PXDC1: variants seen among roughly 807,000 people sequenced by gnomAD.
PXDC1 encodes the protein PX domain containing 1.
PXDC1 carries 13 observed loss-of-function variants against 24.4 expected under a neutral mutation model. That is an observed-to-expected ratio of 0.53 (90% CI 0.35 to 0.85). PXDC1 has a LOEUF of 0.85. PXDC1 is among the 40% of genes least tolerant of loss of function. PXDC1 has a pLI of 0.01. For missense variants in PXDC1, 344 were observed against 309.3 expected, an observed-to-expected ratio of 1.11 and a Z score of -0.84; for synonymous variants, 162 against 124.9, an observed-to-expected ratio of 1.30 and a Z score of -1.98.
rs1235848714 is a variant in PXDC1 at position 3,723,250 on chromosome 6, G to GC, written c.*368dup. The GC allele has an allele frequency of 1.4e-5, 3 of 212,386 alleles. No homozygotes were observed. The highest frequency in any genetic ancestry group is 5.6e-5 in the Admixed American group (1 of 17,966). The allele number at this position is 212,386 out of a possible 1,614,324, so 13.2% of individuals were successfully genotyped here. A position where few individuals can be genotyped will look rare whatever the true frequency, so the allele number is the denominator to read the frequency against. Reference sequence around the variant, plus strand: ...AGTCAGGGTGGCTGGGGGGCACTAGGCCACTTCACCAAGAGGGATGCACCT... The same window carrying GC: ...AGTCAGGGTGGCTGGGGGGCACTAGGCCCACTTCACCAAGAGGGATGCACCT... On this transcript the variant is annotated 3_prime_UTR_variant, in exon 5 of 5. Transcript: ENST00000380283.
intron 3 of PXDC1, among the ~76,000 whole-genome samples, 197 bp from the exon 4 acceptor site, chr6:3,727,859 G>C (rs140567774): frequency 3.9e-5 from 6 of 152,094 alleles, no homozygotes; most frequent in African/African-American, 1.4e-4. Flanking sequence ...GTCAATCCCC[G>C]CAGGAGCCAG....
intron 1 of PXDC1, chr6:3,739,278 T>C (rs1760402018): frequency 2.8e-6 from 1 of 353,584 alleles, no homozygotes; most frequent in South Asian, 7.8e-5. Flanking sequence ...CAAAGGCACT[T>C]CTGCAAGAGT....
intron 1 of PXDC1, among the ~76,000 whole-genome samples, chr6:3,738,515 A>T (rs766037292): frequency 2.0e-5 from 3 of 152,226 alleles, no homozygotes; most frequent in Non-Finnish European, 2.9e-5. Flanking sequence ...GGCTACAGTC[A>T]GGGGTGCTGG....
intron 1 of PXDC1, among the ~76,000 whole-genome samples, chr6:3,749,960 A>C (rs1238158708): frequency 1.3e-5 from 2 of 152,258 alleles, no homozygotes; most frequent in Non-Finnish European, 2.9e-5. Context: ...ATCATAACAA[A>C]CAGCAAATCC....
rs189668732 is a variant in PXDC1, at chr6:3,730,375, G to C, written c.467-2713C>G. ...AAAGCAAATTGTCTTAAAACCTAGGGAAGTGTGCACAGCTTTTATACGCCT... is the reference window on the plus strand; with the variant it reads ...AAAGCAAATTGTCTTAAAACCTAGGCAAGTGTGCACAGCTTTTATACGCCT... On this transcript the variant is annotated intron_variant, in intron 3 of 4. Transcript: ENST00000380283. Among the ~76,000 whole-genome samples the C allele has an allele frequency of 2.8e-4, 42 of 152,322 alleles. 1 individual carries two copies. The highest frequency in any genetic ancestry group is 3.4e-3 in the Middle Eastern group (1 of 294).
At chr6:3,745,272 G>A (rs1760540535) in intron 1 of PXDC1, among the ~76,000 whole-genome samples, 1 of 152,240 alleles carries the variant, frequency 6.6e-6, no homozygotes, top group Admixed American at 6.5e-5. Flanking sequence ...GCTCTCAGGA[G>A]CCAGCCTCCA....
rs953168829 is a variant in PXDC1 at position 3,738,841 on chromosome 6, G to A, written c.257-693C>T. On this transcript the variant is annotated intron_variant, in intron 1 of 4. Transcript: ENST00000380283. ...CTCGGGTGCTTTTCTATCTCCCCAT[G>A]AGAAGCGCAGAGCAGAAGTCTTCCC... 4 of 1,303,228 alleles carry A rather than the reference G, an allele frequency of 3.1e-6. No individual in the cohort carries two copies. In the African/African-American group the frequency reaches 4.6e-5, roughly 15 times the overall value. 80.7% of individuals were successfully genotyped at this position (1,303,228 alleles called of 1,614,324 possible).
chr6:3,739,007 A>G (rs1581247906), intron 1 of PXDC1: 2 of 1,254,914 alleles, frequency 1.6e-6, no homozygotes, highest in African/African-American at 1.6e-5. Context: ...CTTAAGTGCC[A>G]GAACTATTAA....
intron 1 of PXDC1, among the ~76,000 whole-genome samples, chr6:3,740,183 A>G (rs1191615220): frequency 1.3e-5 from 2 of 152,236 alleles, no homozygotes; most frequent in Non-Finnish European, 2.9e-5. Flanking sequence ...TACAGGTATT[A>G]TAGAGGTTTA....
intron 1 of PXDC1, among the ~76,000 whole-genome samples, chr6:3,750,875 G>T (rs1242058069): frequency 6.6e-6 from 1 of 152,138 alleles, no homozygotes; most frequent in Non-Finnish European, 1.5e-5. Flanking sequence ...GCTCCCAGAC[G>T]CTTTCCCAGT....
chr6:3,726,139 T>C (rs1307078437), intron 4 of PXDC1, among the ~76,000 whole-genome samples: 1 of 152,180 alleles, frequency 6.6e-6, no homozygotes, highest in Non-Finnish European at 1.5e-5. Context: ...AGGGGTCCCC[T>C]TGCAAACACT....
In PXDC1 at chr6:3,728,323, C is replaced by T. The variant is rs1002117083; in HGVS notation, c.467-661G>A. Among the ~76,000 whole-genome samples, 1 of 152,166 alleles carries T rather than the reference C, an allele frequency of 6.6e-6. No individual in the cohort carries two copies. The highest frequency in any genetic ancestry group is 1.9e-4 in the East Asian group (1 of 5,196). ...GTCCATGATATCATTCTTATGCCTT[C>T]GCATCCTCATAGCTTAGCTCCCACT... is the stretch of plus-strand genomic sequence containing the variant. On this transcript the variant is annotated intron_variant, in intron 3 of 4. Transcript: ENST00000380283. The surrounding 1 kb of genome is among the most constrained non-coding windows in gnomAD (Gnocchi z 4.0).
At position 3,737,930 on chromosome 6, in the gene PXDC1, G is replaced by A. The variant is rs1760358588; in HGVS notation, c.348+127C>T. 3 of 816,996 alleles carry A rather than the reference G, an allele frequency of 3.7e-6. No individual in the cohort carries two copies. The highest frequency in any genetic ancestry group is 3.2e-5 in the South Asian group (2 of 62,182). 50.6% of individuals were successfully genotyped at this position (816,996 alleles called of 1,614,324 possible). Reference sequence around the variant, plus strand: ...CCCTATCGCCTGGTACTACCAGGGAGGGAACAAAACGGCTAAGTGAGACAG... The same window carrying A: ...CCCTATCGCCTGGTACTACCAGGGAAGGAACAAAACGGCTAAGTGAGACAG... On this transcript the variant is annotated intron_variant, in intron 2 of 4. Coordinates refer to ENST00000380283, the MANE Select transcript of PXDC1 (RefSeq NM_183373.4). This position sits in a 1 kb window ranked among gnomAD's most constrained non-coding sequence, Gnocchi z 5.5.
In PXDC1 at chr6:3,723,288, T is replaced by C. The variant is rs1759981400; in HGVS notation, c.*331A>G. 2 of 280,532 alleles carry C rather than the reference T, an allele frequency of 7.1e-6. No individual in the cohort carries two copies. The highest frequency in any genetic ancestry group is 1.3e-5 in the Non-Finnish European group (2 of 148,498). The allele number at this position is 280,532 out of a possible 1,614,324, so 17.4% of individuals were successfully genotyped here. On this transcript the variant is annotated 3_prime_UTR_variant, in exon 5 of 5. Coordinates refer to ENST00000380283, the MANE Select transcript of PXDC1 (RefSeq NM_183373.4). ...GAGGGATGCACCTCCCAGGAAGCAG[T>C]AGCAGTGAGAGCGAGCCCCACAGGA...
chr6:3,729,949 T>G (rs114844366), intron 3 of PXDC1, among the ~76,000 whole-genome samples: 1 of 152,236 alleles, frequency 6.6e-6, no homozygotes, highest in African/African-American at 2.4e-5. Context: ...ATGTGAAATT[T>G]GGAGCTCTAT....
intron 1 of PXDC1, among the ~76,000 whole-genome samples, chr6:3,749,771 C>T (rs1407355154): frequency 1.3e-5 from 2 of 152,070 alleles, no homozygotes; most frequent in Non-Finnish European, 2.9e-5. Flanking sequence ...AGGTGGGGAG[C>T]CCCACGGGGA....
At chr6:3,731,512 C>G (rs1760195586) in intron 3 of PXDC1, among the ~76,000 whole-genome samples, 1 of 152,176 alleles carries the variant, frequency 6.6e-6, no homozygotes, top group South Asian at 2.1e-4. Flanking sequence ...TATTTTTTTA[C>G]ACTCATATTT....
At chr6:3,751,108 C>T (rs1414070865) in intron 1 of PXDC1, 168 bp downstream of exon 1, 4 of 562,086 alleles carry the variant, frequency 7.1e-6, no homozygotes, top group African/African-American at 6.0e-5. Flanking sequence ...TCCCCCTAAC[C>T]CCGCCGCCCG....
intron 1 of PXDC1, among the ~76,000 whole-genome samples, chr6:3,748,503 C>T (rs780724142): frequency 6.6e-6 from 1 of 152,166 alleles, no homozygotes; most frequent in Non-Finnish European, 1.5e-5. Flanking sequence ...CATATCCCTG[C>T]AGATGTGTCA....
Sources: allele counts gnomAD v4.1 joint callset (sites outside exome capture counted in the v4.1 genomes callset), GRCh38; gene constraint gnomAD v4.1.1; non-coding constraint Gnocchi (gnomAD v3.1); transcripts MANE v1.5; gene names NCBI Gene and HGNC (gene_info 2026-07-23, HGNC 2026-07-21).